KIF18A: variants seen among roughly 807,000 people sequenced by gnomAD.
KIF18A encodes the protein kinesin family member 18A.
In KIF18A, 67 loss-of-function variants were observed where a neutral mutation model predicts 103.3. That is an observed-to-expected ratio of 0.65 (90% CI 0.53 to 0.79). The LOEUF is 0.79. Ranked by LOEUF, KIF18A falls within the 30% of genes least tolerant of loss-of-function variation. KIF18A has a pLI of 0.00. For synonymous variants in KIF18A, 367 were observed against 355.5 expected (o/e 1.03, Z -0.36); for missense variants, 1,032 against 1,062.5 (o/e 0.97, Z 0.40).
chr11:28,045,688 G>C (rs1023656762), intron 13 of KIF18A, among the ~76,000 whole-genome samples: 1 of 152,026 alleles, frequency 6.6e-6, no homozygotes. Flanking sequence ...TTGTAAGTGA[G>C]CTAATTCTTC....
Position 28,034,634 on chromosome 11 carries a change from C to T in KIF18A, c.2504+753G>A, listed in dbSNP as rs186670866. Among the ~76,000 whole-genome samples, 307 of 151,854 alleles carry T rather than the reference C, an allele frequency of 2.0e-3. 6 individuals carry two copies. The highest frequency in any genetic ancestry group is 3.5e-4 in the Non-Finnish European group (24 of 67,806). ...TCATTCCACAAAGCTGAGAACTTGG[C>T]GAATACCTTGAGGACAAAACCTGTA... On this transcript the variant is annotated intron_variant, in intron 15 of 16. Transcript: ENST00000263181.
chr11:28,028,672 T>A (rs962034024), intron 15 of KIF18A, among the ~76,000 whole-genome samples: 3 of 151,774 alleles, frequency 2.0e-5, no homozygotes, highest in Admixed American at 2.0e-4. Flanking sequence ...AAGAAATAAC[T>A]AAGATCAGAG....
At chr11:28,072,253 T>C (rs1410638096) in intron 10 of KIF18A, among the ~76,000 whole-genome samples, 1 of 152,208 alleles carries the variant, frequency 6.6e-6, no homozygotes, top group African/African-American at 2.4e-5. Flanking sequence ...TTCTACAATT[T>C]TAGTTGTTAC....
At chr11:28,076,961 C>CA in intron 10 of KIF18A, 46 bp downstream of exon 10, 2 of 950,322 alleles carry the variant, frequency 2.1e-6, no homozygotes, top group Non-Finnish European at 2.9e-6. Flanking sequence ...AAAAAGCCCC[C>CA]ATGTTTTTAT....
At chr11:28,053,621 A>G (rs1035600803) in intron 13 of KIF18A, among the ~76,000 whole-genome samples, 2 of 149,158 alleles carry the variant, frequency 1.3e-5, no homozygotes, top group Non-Finnish European at 3.0e-5. Context: ...GTCATTTAAC[A>G]TTAGGTATAC....
chr11:28,034,812 C>G (rs1211387529), intron 15 of KIF18A, among the ~76,000 whole-genome samples: 2 of 151,708 alleles, frequency 1.3e-5, no homozygotes, highest in African/African-American at 4.8e-5. Context: ...GCATGTTTCT[C>G]TTTTCTCTGG....
At chr11:28,037,997 T>C (rs952906146) in intron 13 of KIF18A, among the ~76,000 whole-genome samples, 9 of 151,576 alleles carry the variant, frequency 5.9e-5, no homozygotes, top group African/African-American at 2.2e-4. Context: ...GGTTCCAAAT[T>C]ACTAGATTTT....
At chr11:28,054,938 T>C (rs762171189) in intron 13 of KIF18A, among the ~76,000 whole-genome samples, 20 of 152,152 alleles carry the variant, frequency 1.3e-4, no homozygotes, top group Non-Finnish European at 2.2e-4. Flanking sequence ...GTATGTGAAA[T>C]ATAGATTTTT....
chr11:28,094,587 A>AT, intron 3 of KIF18A, 56 bp downstream of exon 3: 1 of 1,209,530 alleles, frequency 8.3e-7, no homozygotes. Context: ...AATCATTTGT[A>AT]TGAATCATGT....
intron 13 of KIF18A, among the ~76,000 whole-genome samples, chr11:28,039,928 T>C (rs1431401017): frequency 6.6e-6 from 1 of 151,644 alleles, no homozygotes; most frequent in Non-Finnish European, 1.5e-5. Flanking sequence ...TCAGATAAAA[T>C]AAAAGGGCAG....
At chr11:28,028,957 C>G (rs969240804) in intron 15 of KIF18A, among the ~76,000 whole-genome samples, 16 of 152,128 alleles carry the variant, frequency 1.1e-4, no homozygotes, top group Non-Finnish European at 1.9e-4. Flanking sequence ...TGGACACATA[C>G]ACCCTCCCAA....
intron 13 of KIF18A, among the ~76,000 whole-genome samples, chr11:28,044,538 T>A (rs1199590721): frequency 6.6e-6 from 1 of 152,102 alleles, no homozygotes; most frequent in African/African-American, 2.4e-5. Flanking sequence ...AGTATGCGTT[T>A]CAGGATAAAG....
chr11:28,098,279 T>C (rs529532791), intron 1 of KIF18A, among the ~76,000 whole-genome samples: 1 of 152,200 alleles, frequency 6.6e-6, no homozygotes, highest in Non-Finnish European at 1.5e-5. Context: ...TAGTAGGATA[T>C]TTGGCTTAAA....
chr11:28,051,565 G>A (rs1590678313), intron 13 of KIF18A, among the ~76,000 whole-genome samples: 1 of 151,936 alleles, frequency 6.6e-6, no homozygotes, highest in South Asian at 2.1e-4. Context: ...AAGGCCTTTT[G>A]AGGAAAGATC....
chr11:28,082,140 C>T (rs1441911879), intron 9 of KIF18A, among the ~76,000 whole-genome samples: 1 of 152,046 alleles, frequency 6.6e-6, no homozygotes, highest in Admixed American at 6.6e-5. Flanking sequence ...CACCTACTCC[C>T]TATAAAGATG....
chr11:28,088,376 G>A (rs913549049), intron 6 of KIF18A, 148 bp downstream of exon 6: 6 of 596,792 alleles, frequency 1.0e-5, no homozygotes, highest in Non-Finnish European at 1.7e-5. Context: ...TAGGTTTTCT[G>A]AGGTCTTTGA....
At chr11:28,089,684 A>G (rs1388077259) in intron 5 of KIF18A, among the ~76,000 whole-genome samples, 1 of 152,228 alleles carries the variant, frequency 6.6e-6, no homozygotes, top group Non-Finnish European at 1.5e-5. Flanking sequence ...TATGCGGCAC[A>G]TGACTATACA....
At chr11:28,031,732 C>T (rs558450829) in intron 15 of KIF18A, among the ~76,000 whole-genome samples, 8 of 150,934 alleles carry the variant, frequency 5.3e-5, no homozygotes, top group Admixed American at 2.0e-4. Context: ...TATCTCAACA[C>T]GATAAAAGCC....
In KIF18A at chr11:28,084,662, A is replaced by C; in HGVS notation, c.1044T>G (p.Tyr348Ter). 1 of 1,612,434 alleles carries C rather than the reference A, an allele frequency of 6.2e-7. No individual in the cohort carries two copies. The highest frequency in any genetic ancestry group is 8.5e-7 in the Non-Finnish European group (1 of 1,178,778). ...ATTTAATGTCCTTTGCCCGGTTAGC[A>C]TACTTAAGAGTGTTATATGTGTCAT... ...FYDDTYNTLK[Y>*]ANRAKDIKSS... Residue 348 changes from tyrosine (Y) to a stop codon, truncating the protein, a stop_gained, in exon 7 of 17, where the codon TAT becomes TAG. Transcript: ENST00000263181. LOFTEE classifies it high-confidence loss of function.
Sources: allele counts gnomAD v4.1 joint callset (sites outside exome capture counted in the v4.1 genomes callset), GRCh38; gene constraint gnomAD v4.1.1; transcripts MANE v1.5; gene names NCBI Gene and HGNC (gene_info 2026-07-23, HGNC 2026-07-21).